CNTN4: variants seen among roughly 807,000 people sequenced by gnomAD.
CNTN4 encodes contactin-4.
In CNTN4, 77 loss-of-function variants were observed where a neutral mutation model predicts 122.5. That is an observed-to-expected ratio of 0.63 (90% CI 0.52 to 0.76). CNTN4 has a LOEUF of 0.76. CNTN4 is among the 30% of genes least tolerant of loss of function. The pLI is 0.00. For synonymous variants in CNTN4, 512 were observed against 447.0 expected, an observed-to-expected ratio of 1.15 and a Z score of -1.83; for missense variants, 1,256 against 1,259.1, an observed-to-expected ratio of 1.00 and a Z score of 0.04.
chr3:2,209,241 A>C (rs999236945), intron 2 of CNTN4, among the ~76,000 whole-genome samples: 1 of 152,160 alleles, frequency 6.6e-6, no homozygotes, highest in East Asian at 1.9e-4. Context: ...AAGAGGAGAG[A>C]GAGAAGGTGA....
chr3:2,570,063 A>C (rs984658197), intron 3 of CNTN4, among the ~76,000 whole-genome samples: 2 of 152,070 alleles, frequency 1.3e-5, no homozygotes, highest in Non-Finnish European at 2.9e-5. Context: ...GGGTGGGAGA[A>C]GGGATGAGTG....
chr3:2,987,645 A>G (rs1395045897), intron 13 of CNTN4, among the ~76,000 whole-genome samples: 1 of 152,178 alleles, frequency 6.6e-6, no homozygotes, highest in Admixed American at 6.5e-5. Flanking sequence ...CTCTTCTGGT[A>G]GTCATGATGA....
At chr3:2,175,763 A>G (rs1033474035) in intron 2 of CNTN4, among the ~76,000 whole-genome samples, 4 of 152,180 alleles carry the variant, frequency 2.6e-5, no homozygotes, top group East Asian at 3.8e-4. Context: ...TGTGTTGAAA[A>G]TGTCACAACA....
At chr3:2,623,559 A>G (rs187230316) in intron 4 of CNTN4, among the ~76,000 whole-genome samples, 1 of 152,316 alleles carries the variant, frequency 6.6e-6, no homozygotes, top group Non-Finnish European at 1.5e-5. Flanking sequence ...AGCATGATGA[A>G]TGCTAGTTCC....
intron 3 of CNTN4, among the ~76,000 whole-genome samples, chr3:2,427,470 C>A (rs1416420019): frequency 1.3e-5 from 2 of 152,140 alleles, no homozygotes; most frequent in African/African-American, 4.8e-5. Flanking sequence ...TTTACATTTG[C>A]TGAGGAGTTC....
chr3:2,979,041 T>G (rs1693698999), intron 13 of CNTN4, among the ~76,000 whole-genome samples: 1 of 152,190 alleles, frequency 6.6e-6, no homozygotes, highest in South Asian at 2.1e-4. Context: ...TTTTCAAAGG[T>G]AGAGGAGGAA....
At chr3:2,909,202 A>G (rs1285284978) in intron 12 of CNTN4, among the ~76,000 whole-genome samples, 1 of 152,132 alleles carries the variant, frequency 6.6e-6, no homozygotes, top group Non-Finnish European at 1.5e-5. Context: ...TTCTTACCCA[A>G]CTGCAGTCAT....
chr3:2,645,199 T>C (rs927511956), intron 4 of CNTN4, among the ~76,000 whole-genome samples: 4 of 152,076 alleles, frequency 2.6e-5, no homozygotes, highest in African/African-American at 9.7e-5. Flanking sequence ...GTCTTATCAA[T>C]CTATTGTGCT....
chr3:2,376,603 C>A (rs1199790264), intron 3 of CNTN4, among the ~76,000 whole-genome samples: 35 of 145,658 alleles, frequency 2.4e-4, no homozygotes. Flanking sequence ...GTTTTTAGGT[C>A]TTTCTACCTT....
chr3:2,655,075 G>A (rs1304796487), intron 4 of CNTN4, among the ~76,000 whole-genome samples: 1 of 152,144 alleles, frequency 6.6e-6, no homozygotes, highest in Non-Finnish European at 1.5e-5. Flanking sequence ...CAGCCACGTA[G>A]AGTCACTTAT....
At chr3:2,727,993 T>C (rs1247729654) in intron 4 of CNTN4, among the ~76,000 whole-genome samples, 1 of 152,236 alleles carries the variant, frequency 6.6e-6, no homozygotes, top group Non-Finnish European at 1.5e-5. Context: ...AACAACCAAA[T>C]AGAATACTTA....
chr3:2,984,046 C>T (rs1204770352), intron 13 of CNTN4, among the ~76,000 whole-genome samples: 8 of 151,754 alleles, frequency 5.3e-5, no homozygotes, highest in African/African-American at 1.9e-4. Flanking sequence ...ATATCAGGCA[C>T]TGAAATATTT....
chr3:2,436,802 AAT>A (rs1045482744), intron 3 of CNTN4, among the ~76,000 whole-genome samples: 18 of 149,728 alleles, frequency 1.2e-4, no homozygotes, highest in African/African-American at 3.9e-4. Flanking sequence ...ATTTTCTTCA[AAT>A]ATATATGAAA....
At position 2,626,419 on chromosome 3, in the gene CNTN4, C is replaced by T. The variant is rs536758345; in HGVS notation, c.55+54861C>T. 1.2e-3 allele frequency among the ~76,000 whole-genome samples: 183 copies of T among 151,874 alleles called. 1 individual carries two copies. The highest frequency in any genetic ancestry group is 4.3e-3 in the African/African-American group (178 of 41,450). ...GGCTGAGGCAGGAGAATGGCGGGAACCCAGGAGGTGGAGCTTGCAGTGAGC... is the reference window on the plus strand; with the variant it reads ...GGCTGAGGCAGGAGAATGGCGGGAATCCAGGAGGTGGAGCTTGCAGTGAGC... On this transcript the variant is annotated intron_variant, in intron 4 of 24. Transcript: ENST00000418658.
At chr3:2,208,777 C>T (rs1022171024) in intron 2 of CNTN4, among the ~76,000 whole-genome samples, 2 of 152,112 alleles carry the variant, frequency 1.3e-5, no homozygotes, top group African/African-American at 4.8e-5. Context: ...AGTCAGCAGC[C>T]ATAATACTGA....
chr3:2,480,737 G>T (rs113959091), intron 3 of CNTN4, among the ~76,000 whole-genome samples: 1 of 152,176 alleles, frequency 6.6e-6, no homozygotes, highest in Non-Finnish European at 1.5e-5. Context: ...AAGGTATTTT[G>T]TGGATATGTA....
intron 6 of CNTN4, among the ~76,000 whole-genome samples, chr3:2,800,331 T>C (rs969585161): frequency 2.0e-5 from 3 of 152,172 alleles, no homozygotes; most frequent in Admixed American, 1.3e-4. Context: ...AATCTTAATT[T>C]TTTTCGGGTC....
At chr3:2,491,784 G>A (rs1244458308) in intron 3 of CNTN4, among the ~76,000 whole-genome samples, 1 of 152,118 alleles carries the variant, frequency 6.6e-6, no homozygotes, top group South Asian at 2.1e-4. Flanking sequence ...AAATCCTTCA[G>A]TAAAACTAGA....
chr3:2,900,552 G>A, intron 10 of CNTN4, 133 bp from the exon 11 acceptor site: 1 of 978,458 alleles, frequency 1.0e-6, no homozygotes, highest in South Asian at 1.4e-5. Flanking sequence ...TGTCTCCCCA[G>A]TCTTGTTATT....
Sources: gnomAD v4.1 joint callset for allele counts (sites outside exome capture counted in the v4.1 genomes callset) on GRCh38, gnomAD v4.1.1 for gene constraint, MANE v1.5 for transcripts, NCBI Gene and HGNC (gene_info 2026-07-23, HGNC 2026-07-21) for gene names.